The following NSUN3 variants were observed in gnomAD, a reference collection of about 807,000 sequenced individuals.
NSUN3 encodes the protein tRNA (cytosine(34)-C(5))-methyltransferase, mitochondrial.
In NSUN3, 24 loss-of-function variants were observed where a neutral mutation model predicts 36.8. The observed-to-expected ratio is 0.65, with a 90% CI of 0.47 to 0.92. NSUN3 has a LOEUF of 0.92. NSUN3 is among the 40% of genes least tolerant of loss of function. The probability of loss-of-function intolerance (pLI) is 0.00; values close to 1 mark genes in which losing one functional copy is unlikely to be tolerated. For synonymous variants in NSUN3, 146 were observed against 145.2 expected, an observed-to-expected ratio of 1.01 and a Z score of -0.04; for missense variants, 381 against 392.8, an observed-to-expected ratio of 0.97 and a Z score of 0.25.
chr3:94,107,063 C>T (rs2077392601), intron 5 of NSUN3, among the ~76,000 whole-genome samples: 1 of 152,092 alleles, frequency 6.6e-6, no homozygotes, highest in Admixed American at 6.6e-5. Flanking sequence ...CCACCTCAGC[C>T]TCCCAAGTAG....
At chr3:94,086,804 T>C (rs1402043876) in intron 3 of NSUN3, among the ~76,000 whole-genome samples, 2 of 152,360 alleles carry the variant, frequency 1.3e-5, no homozygotes, top group Middle Eastern at 3.4e-3. Flanking sequence ...GAATTGTATG[T>C]TATAAGGAGC....
intron 5 of NSUN3, among the ~76,000 whole-genome samples, chr3:94,110,050 G>A (rs2077409493): frequency 6.6e-6 from 1 of 152,134 alleles, no homozygotes; most frequent in Admixed American, 6.5e-5. Flanking sequence ...TATTCATAGT[G>A]TGTGTCTCAA....
At position 94,127,094 on chromosome 3, in the gene NSUN3, CA is replaced by C. The variant is rs1349689642; in HGVS notation, c.*605del. 6.6e-6 allele frequency: 1 copy of C among 152,128 alleles called. No individual in the cohort carries two copies. The highest frequency in any genetic ancestry group is 2.4e-5 in the African/African-American group (1 of 41,414). 9.4% of individuals were successfully genotyped at this position (152,128 alleles called of 1,614,324 possible). ...CTACTGACACCAGCTTTATTTCCCC[CA>C]CTTTTTTTGCATTCACAAATACAAA... On this transcript the variant is annotated 3_prime_UTR_variant, in exon 6 of 6. Coordinates refer to ENST00000314622, the MANE Select transcript of NSUN3 (RefSeq NM_022072.5).
At chr3:94,124,904 AGT>A (rs2077479248) in intron 5 of NSUN3, among the ~76,000 whole-genome samples, 1 of 151,988 alleles carries the variant, frequency 6.6e-6, no homozygotes, top group Non-Finnish European at 1.5e-5. Flanking sequence ...AATAATAATG[AGT>A]GTCTTATCTT....
chr3:94,085,305 T>G (rs1309803596), intron 3 of NSUN3: 3 of 152,228 alleles, frequency 2.0e-5, no homozygotes, highest in Non-Finnish European at 2.9e-5. Context: ...TAATAATTTT[T>G]CTTTTAAAGC....
rs2077500432 is a variant in NSUN3 at position 94,129,407 on chromosome 3, T to C, written c.*2917T>C. On this transcript the variant is annotated 3_prime_UTR_variant, in exon 6 of 6. Coordinates refer to ENST00000314622, the MANE Select transcript of NSUN3 (RefSeq NM_022072.5). Reference sequence around the variant, plus strand: ...CTAAGCAAATTCAGGAACAGAAAACTAAATACATATTCTCACTTACAAATG... The same window carrying C: ...CTAAGCAAATTCAGGAACAGAAAACCAAATACATATTCTCACTTACAAATG... Among the ~76,000 whole-genome samples, 1 of 152,110 alleles carries C rather than the reference T, an allele frequency of 6.6e-6. No homozygotes were observed. Among genetic ancestry groups the C allele is most frequent in the African/African-American group, 2.4e-5 (1 of 41,410 alleles).
chr3:94,124,019 C>G (rs1381676551), intron 5 of NSUN3, among the ~76,000 whole-genome samples: 2 of 150,870 alleles, frequency 1.3e-5, no homozygotes, highest in African/African-American at 4.9e-5. Flanking sequence ...ATATGTTTAT[C>G]TTTGTATATG....
At chr3:94,087,871 G>A (rs2077298773) in intron 3 of NSUN3, among the ~76,000 whole-genome samples, 1 of 152,112 alleles carries the variant, frequency 6.6e-6, no homozygotes, top group African/African-American at 2.4e-5. Flanking sequence ...GTTTCACTAT[G>A]TTGCCCAGGC....
At chr3:94,063,415 C>T in intron 1 of NSUN3, 1 of 488,772 alleles carries the variant, frequency 2.0e-6, no homozygotes. Flanking sequence ...ATCCCGGGAG[C>T]TTAGAACAGT....
rs867169455 is a variant in NSUN3 at position 94,126,809 on chromosome 3, C to G, written c.*319C>G. 2 of 211,612 alleles carry G rather than the reference C, an allele frequency of 9.5e-6. No homozygotes were observed. Among genetic ancestry groups the G allele is most frequent in the Non-Finnish European group, 1.9e-5 (2 of 105,206 alleles). The allele number at this position is 211,612 out of a possible 1,614,324, so 13.1% of individuals were successfully genotyped here. On this transcript the variant is annotated 3_prime_UTR_variant, in exon 6 of 6. Coordinates refer to ENST00000314622, the MANE Select transcript of NSUN3 (RefSeq NM_022072.5). ...TGCATAACGTGTTTAGTTCTGTATTCTTTCTATGATAGTGCTTTGAACCTT... is the reference window on the plus strand; with the variant it reads ...TGCATAACGTGTTTAGTTCTGTATTGTTTCTATGATAGTGCTTTGAACCTT...
intron 5 of NSUN3, among the ~76,000 whole-genome samples, chr3:94,101,001 A>G (rs1015815651): frequency 2.6e-5 from 4 of 151,834 alleles, no homozygotes; most frequent in Admixed American, 1.3e-4. Context: ...TTAAAAAAAT[A>G]TTTTAGAGAG....
chr3:94,080,310 G>T (rs1429373846), intron 2 of NSUN3, among the ~76,000 whole-genome samples: 1 of 152,194 alleles, frequency 6.6e-6, no homozygotes, highest in Non-Finnish European at 1.5e-5. Context: ...CTTGCCAGAT[G>T]TCAGCCAGAG....
chr3:94,117,450 A>G (rs576034278), intron 5 of NSUN3, among the ~76,000 whole-genome samples: 1 of 152,286 alleles, frequency 6.6e-6, no homozygotes, highest in South Asian at 2.1e-4. Context: ...GGGAAATTTA[A>G]CATTATATTC....
intron 3 of NSUN3, among the ~76,000 whole-genome samples, chr3:94,088,670 CTTTT>C (rs747748539): frequency 1.5e-5 from 2 of 132,450 alleles, no homozygotes; most frequent in Non-Finnish European, 1.6e-5. Context: ...GGGACAGATC[CTTTT>C]TTTTTTTTTT....
At chr3:94,070,170 C>T (rs765915047) in intron 2 of NSUN3, among the ~76,000 whole-genome samples, 4 of 152,144 alleles carry the variant, frequency 2.6e-5, no homozygotes, top group Non-Finnish European at 5.9e-5. Flanking sequence ...AGATAATATA[C>T]GATGGCTCAC....
At chr3:94,064,697 A>G in intron 2 of NSUN3, 151 bp downstream of exon 2, 1 of 551,880 alleles carries the variant, frequency 1.8e-6, no homozygotes, top group South Asian at 2.6e-5. Context: ...AACAACTAAG[A>G]AGAAATAGAA....
At chr3:94,126,127 A>C (rs917833095) in intron 5 of NSUN3, 84 bp from the exon 6 acceptor site, 5 of 1,149,730 alleles carry the variant, frequency 4.3e-6, no homozygotes, top group African/African-American at 3.1e-5. Context: ...GGTTAGTTTT[A>C]AGTACGTAAT....
At chr3:94,075,732 C>A (rs1005451795) in intron 2 of NSUN3, among the ~76,000 whole-genome samples, 13 of 142,796 alleles carry the variant, frequency 9.1e-5, no homozygotes, top group South Asian at 8.8e-4. Context: ...TGAATCAAGC[C>A]CCCCCCCCCA....
intron 5 of NSUN3, among the ~76,000 whole-genome samples, chr3:94,101,123 C>T (rs1234790589): frequency 1.3e-5 from 2 of 152,086 alleles, no homozygotes; most frequent in African/African-American, 4.8e-5. Context: ...TCCTGAACAG[C>T]TGATACTACA....
Sources: gnomAD v4.1 joint callset for allele counts (sites outside exome capture counted in the v4.1 genomes callset) on GRCh38, gnomAD v4.1.1 for gene constraint, MANE v1.5 for transcripts, NCBI Gene and HGNC (gene_info 2026-07-23, HGNC 2026-07-21) for gene names.